The following PRKCE variants were observed in gnomAD, a reference collection of about 807,000 sequenced individuals.
The protein encoded by PRKCE is protein kinase C epsilon, also known as protein kinase C epsilon type.
PRKCE carries 16 observed loss-of-function variants against 85.4 expected under a neutral mutation model. The ratio of observed to expected loss-of-function variants is 0.19; its 90% CI spans 0.13 to 0.28. PRKCE has a LOEUF of 0.28. PRKCE is among the 10% of genes least tolerant of loss of function. The probability of loss-of-function intolerance (pLI) is 1.00; values close to 1 mark genes in which losing one functional copy is unlikely to be tolerated. For synonymous variants in PRKCE, 388 were observed against 371.5 expected (o/e 1.04, Z -0.51); for missense variants, 573 against 975.2 (o/e 0.59, Z 5.49).
intron 10 of PRKCE, among the ~76,000 whole-genome samples, chr2:46,083,596 G>T (rs1400548673): frequency 6.6e-6 from 1 of 152,176 alleles, no homozygotes; most frequent in Non-Finnish European, 1.5e-5. Context: ...TGATCCAGCT[G>T]TACTTCCCAT....
At chr2:45,909,171 A>C (rs1697198488) in intron 2 of PRKCE, among the ~76,000 whole-genome samples, 1 of 152,222 alleles carries the variant, frequency 6.6e-6, no homozygotes, top group Admixed American at 6.5e-5. Context: ...ACTTCCTTCA[A>C]TTCGCAGATT....
intron 10 of PRKCE, among the ~76,000 whole-genome samples, chr2:46,085,592 C>G (rs1669529259): frequency 6.8e-6 from 1 of 147,636 alleles, no homozygotes; most frequent in African/African-American, 2.5e-5. Context: ...CCTCTGTGGC[C>G]ACTTGGCCTC....
intron 2 of PRKCE, among the ~76,000 whole-genome samples, chr2:45,933,109 A>G (rs1699162097): frequency 6.6e-6 from 1 of 152,092 alleles, no homozygotes; most frequent in South Asian, 2.1e-4. Flanking sequence ...TGCATCATCT[A>G]TTTGGGTATC....
intron 1 of PRKCE, among the ~76,000 whole-genome samples, chr2:45,744,509 T>C (rs1462902021): frequency 0.23 from 15,527 of 66,392 alleles, 2,156 homozygotes; most frequent in African/African-American, 0.32. Flanking sequence ...CTTTTCTTTC[T>C]TTCTTTCTTT....
At chr2:45,672,316 A>G (rs915956917) in intron 1 of PRKCE, among the ~76,000 whole-genome samples, 1 of 151,632 alleles carries the variant, frequency 6.6e-6, no homozygotes, top group African/African-American at 2.4e-5. Context: ...ATATCCATCC[A>G]TCCATCCACC....
rs1006336588 is a variant in PRKCE, at chr2:45,905,631, C to T, written c.412+62568C>T. ...GGCCCTGCAAGTCCTTTCTAAGGGG[C>T]TGAGGGCTGGCCGGGGCCCTAGCTG... On this transcript the variant is annotated intron_variant, in intron 2 of 14. Coordinates refer to ENST00000306156, the MANE Select transcript of PRKCE (RefSeq NM_005400.3). This position sits in a 1 kb window ranked among gnomAD's most constrained non-coding sequence, Gnocchi z 4.4. Among the ~76,000 whole-genome samples, 4 of 152,188 alleles carry T rather than the reference C, an allele frequency of 2.6e-5. No homozygotes were observed. Among genetic ancestry groups the T allele is most frequent in the Admixed American group, 2.6e-4 (4 of 15,284 alleles).
Position 46,159,759 on chromosome 2 carries a change from T to C in PRKCE, c.2067+7T>C, listed in dbSNP as rs771506354. On this transcript the variant is annotated splice_region_variant and intron_variant, in intron 14 of 14. Coordinates refer to ENST00000306156, the MANE Select transcript of PRKCE (RefSeq NM_005400.3). The surrounding 1 kb of genome is among the most constrained non-coding windows in gnomAD (Gnocchi z 4.1). ...ACCCTTCAAACCACGCATTGTAAGT[T>C]GGTCCCCGTGCACGTTCAGCACCAT... 5.0e-6 allele frequency: 8 copies of C among 1,599,106 alleles called. No individual in the cohort carries two copies. In the East Asian group the frequency reaches 1.8e-4, roughly 36 times the overall value.
chr2:45,712,378 C>A (rs1439457842), intron 1 of PRKCE, among the ~76,000 whole-genome samples: 1 of 151,722 alleles, frequency 6.6e-6, no homozygotes, highest in African/African-American at 2.4e-5. Flanking sequence ...TGGTCTCGAA[C>A]TTCTGACCTC....
chr2:46,065,089 A>G (rs1170182654), intron 10 of PRKCE, among the ~76,000 whole-genome samples: 2 of 152,248 alleles, frequency 1.3e-5, no homozygotes, highest in Non-Finnish European at 1.5e-5. Flanking sequence ...CTGGCATCAC[A>G]GATTATACGA....
intron 2 of PRKCE, among the ~76,000 whole-genome samples, chr2:45,871,655 CAA>C (rs1694096501): frequency 6.6e-6 from 1 of 152,184 alleles, no homozygotes; most frequent in South Asian, 2.1e-4. Flanking sequence ...TTAAGTTTTA[CAA>C]ACCCCATCCT....
intron 10 of PRKCE, among the ~76,000 whole-genome samples, chr2:46,069,889 G>T (rs1299608471): frequency 6.6e-6 from 1 of 152,118 alleles, no homozygotes; most frequent in East Asian, 1.9e-4. Context: ...TTCCTAAGCT[G>T]GGAAGAATGG....
intron 1 of PRKCE, among the ~76,000 whole-genome samples, chr2:45,742,759 C>A (rs1374490344): frequency 6.6e-6 from 1 of 152,138 alleles, no homozygotes; most frequent in African/African-American, 2.4e-5. Context: ...CAGAGAATGA[C>A]CTTATGATCC....
intron 1 of PRKCE, among the ~76,000 whole-genome samples, chr2:45,804,038 C>T (rs949644759): frequency 6.6e-6 from 1 of 152,190 alleles, no homozygotes; most frequent in African/African-American, 2.4e-5. Flanking sequence ...ACCTGTTTCT[C>T]CCTTACTAGA....
At chr2:45,856,084 T>A (rs1378874807) in intron 2 of PRKCE, among the ~76,000 whole-genome samples, 1 of 152,180 alleles carries the variant, frequency 6.6e-6, no homozygotes, top group East Asian at 1.9e-4. Flanking sequence ...TTTAAAAAAT[T>A]ATAATCGATA....
intron 1 of PRKCE, among the ~76,000 whole-genome samples, chr2:45,748,496 C>T (rs1438134723): frequency 1.3e-5 from 2 of 152,238 alleles, no homozygotes; most frequent in African/African-American, 4.8e-5. Context: ...AAGCAGGCCG[C>T]TGCCAGCATC....
intron 1 of PRKCE, among the ~76,000 whole-genome samples, chr2:45,682,693 TCTC>T (rs1291858584): frequency 6.6e-6 from 1 of 152,190 alleles, no homozygotes; most frequent in Non-Finnish European, 1.5e-5. Context: ...TTCAAGCAAT[TCTC>T]CTGCCTCAGC....
intron 11 of PRKCE, among the ~76,000 whole-genome samples, chr2:46,106,554 A>G (rs1671738104): frequency 6.6e-6 from 1 of 152,256 alleles, no homozygotes; most frequent in African/African-American, 2.4e-5. Context: ...TCAAGGTACC[A>G]GCAAATTCCA....
intron 1 of PRKCE, chr2:45,674,880 A>C (rs1356007019): frequency 2.0e-5 from 3 of 152,206 alleles, no homozygotes; most frequent in African/African-American, 7.2e-5. Flanking sequence ...CTTGAAGGCA[A>C]AGTGAAGCAG....
In PRKCE at chr2:45,652,822, G is replaced by A. The variant is rs906615369; in HGVS notation, c.348+374G>A. Among the ~76,000 whole-genome samples, 1 of 152,166 alleles carries A rather than the reference G, an allele frequency of 6.6e-6. No homozygotes were observed. The highest frequency in any genetic ancestry group is 2.4e-5 in the African/African-American group (1 of 41,424). On this transcript the variant is annotated intron_variant, in intron 1 of 14. Transcript: ENST00000306156. The surrounding 1 kb of genome is among the most constrained non-coding windows in gnomAD (Gnocchi z 7.7). ...TGATTGTGTGTGGGTGGGTCCCTCC[G>A]TCCTTGGAAAGGCACGTGGAGCCTT...
Sources: gnomAD v4.1 joint callset for allele counts (sites outside exome capture counted in the v4.1 genomes callset) on GRCh38, gnomAD v4.1.1 for gene constraint, Gnocchi (gnomAD v3.1) non-coding constraint, MANE v1.5 for transcripts, NCBI Gene and HGNC (gene_info 2026-07-23, HGNC 2026-07-21) for gene names.